The following GCC2 variants were observed in gnomAD, a reference collection of about 807,000 sequenced individuals.
GCC2 encodes GRIP and coiled-coil domain containing 2.
A neutral mutation model predicts 210.6 loss-of-function variants in GCC2; 120 were observed. The observed-to-expected ratio is 0.57, with a 90% CI of 0.49 to 0.66. The LOEUF is 0.66. Among genes scored for constraint, GCC2 ranks in the 30% least tolerant of loss-of-function variants. The pLI, the probability that GCC2 is intolerant of heterozygous loss-of-function variation, is 0.00. For missense variants in GCC2, 1,868 were observed against 1,871.9 expected (o/e 1.00, Z 0.04); for synonymous variants, 703 against 652.7 (o/e 1.08, Z -1.17).
chr2:108,480,897 CTTAAAAG>C (rs953251551), intron 9 of GCC2, among the ~76,000 whole-genome samples: 8 of 152,062 alleles, frequency 5.3e-5, no homozygotes, highest in African/African-American at 1.2e-4. Context: ...TACCCCTGAA[CTTAAAAG>C]TTAAAAAATT....
chr2:108,499,255 T>C (rs927176819), intron 21 of GCC2, among the ~76,000 whole-genome samples: 23 of 152,178 alleles, frequency 1.5e-4, no homozygotes, highest in Non-Finnish European at 2.8e-4. Context: ...AGTGGAGTTA[T>C]ATAGCCCAAC....
chr2:108,468,144 C>G (rs541151242), intron 4 of GCC2, among the ~76,000 whole-genome samples: 1 of 151,972 alleles, frequency 6.6e-6, no homozygotes, highest in African/African-American at 2.4e-5. Flanking sequence ...TCGCTGCAAC[C>G]CCCACCTCCT....
At chr2:108,507,521 CTTTTATTTTTCTTTTTTT>C in intron 22 of GCC2, 21 bp from the exon 23 acceptor site, 1 of 1,409,388 alleles carries the variant, frequency 7.1e-7, no homozygotes, top group Non-Finnish European at 9.7e-7. Flanking sequence ...TCTCTTTTTT[CTTTTATTTTTCTTTTTTT>C]TTTTGTTTTA....
chr2:108,465,376 T>C (rs969278129), intron 4 of GCC2, among the ~76,000 whole-genome samples: 5 of 152,184 alleles, frequency 3.3e-5, no homozygotes, highest in Non-Finnish European at 7.4e-5. Context: ...CAATAGCTTT[T>C]GGGGTACAAG....
chr2:108,478,736 A>G (rs1408221999), intron 9 of GCC2, among the ~76,000 whole-genome samples: 2 of 152,228 alleles, frequency 1.3e-5, no homozygotes, highest in African/African-American at 2.4e-5. Context: ...AGCTATTGAC[A>G]GCAGTTGGAA....
At chr2:108,464,723 A>G (rs1392033633) in intron 4 of GCC2, among the ~76,000 whole-genome samples, 6 of 152,100 alleles carry the variant, frequency 3.9e-5, no homozygotes, top group African/African-American at 9.7e-5. Context: ...CCAGAGGTCT[A>G]TGGGAAAAAT....
chr2:108,470,324 A>G lies in GCC2; in HGVS notation c.995A>G (p.Glu332Gly), dbSNP rs141977454. 349 of 1,611,276 alleles carry G rather than the reference A, an allele frequency of 2.2e-4. No individual in the cohort carries two copies. Among genetic ancestry groups the G allele is most frequent in the Non-Finnish European group, 2.8e-4 (335 of 1,178,612 alleles). Residue 332 changes from glutamate (E) to glycine (G), a missense_variant, in exon 6 of 23, where the codon GAA (glutamate) becomes GGA (glycine). This residue lies in a region of GCC2 where 1,847 missense variants were observed against 1,765.2 expected (regional missense o/e 1.05). Transcript: ENST00000309863. ...ACATTTGTAGAACAAGTAGTAAATG[A>G]AAAAGTCAAACACTTAGAAGATACC... The part of the protein sequence containing the change: ...ENTFVEQVVN[E>G]KVKHLEDTLK...
At position 108,485,841 on chromosome 2, in the gene GCC2, A is replaced by G; in HGVS notation, c.3725A>G (p.His1242Arg). 6.3e-7 allele frequency: 1 copy of G among 1,577,888 alleles called. No homozygotes were observed. The highest frequency in any genetic ancestry group is 8.6e-7 in the Non-Finnish European group (1 of 1,158,102). The change falls in exon 15 of 23, where the codon CAC (histidine) becomes CGC (arginine). Residue 1242 changes from histidine (H) to arginine (R), a missense_variant. Coordinates refer to ENST00000309863, the MANE Select transcript of GCC2 (RefSeq NM_181453.4). ...LADSKQAETD[H>R]LILQASLKGE... The stretch of plus-strand genomic sequence containing the variant: ...ATTCTCATTCTATAGGAAACTGATC[A>G]CTTAATACTTCAAGCATCTTTAAAA...
chr2:108,498,747 C>G (rs1682776021), intron 21 of GCC2, among the ~76,000 whole-genome samples: 1 of 151,806 alleles, frequency 6.6e-6, no homozygotes, highest in Non-Finnish European at 1.5e-5. Flanking sequence ...TCTTATATTC[C>G]TGAATTTTCA....
chr2:108,473,555 C>T lies in GCC2; in HGVS notation c.2860+656C>T, dbSNP rs13390736. ...CTTTATCTTATCCATTTATTCCTCA[C>T]AGTAACATTATAGGATAGCTCTTTT... On this transcript the variant is annotated intron_variant, in intron 7 of 22. Coordinates refer to ENST00000309863, the MANE Select transcript of GCC2 (RefSeq NM_181453.4). Among the ~76,000 whole-genome samples the T allele has an allele frequency of 9.3e-3, 1,410 of 152,160 alleles. 22 individuals carry two copies. The highest frequency in any genetic ancestry group is 0.031 in the Middle Eastern group (9 of 294).
Position 108,469,902 on chromosome 2 carries a change from G to T in GCC2, c.573G>T (p.Arg191Ser). The T allele has an allele frequency of 6.2e-7, 1 of 1,613,422 alleles. No individual in the cohort carries two copies. Among genetic ancestry groups the T allele is most frequent in the Non-Finnish European group, 8.5e-7 (1 of 1,179,702 alleles). The change falls in exon 6 of 23, where the codon AGG becomes AGT. Residue 191 changes from arginine to serine, a missense_variant. Around this residue, in one of 3 missense-constraint regions of GCC2, gnomAD observed 1,847 missense variants for 1,765.2 expected, o/e 1.05. Coordinates refer to ENST00000309863, the MANE Select transcript of GCC2 (RefSeq NM_181453.4). ...TACAAGAAGAGATTGAGAAAATTAG[G>T]CCAGGCTTTGAGGAGCAAATTTTAT... ...KKLQEEIEKI[R>S]PGFEEQILYL... is the part of the protein sequence containing the mutation.
chr2:108,463,623 C>A (rs1238796394), intron 4 of GCC2, among the ~76,000 whole-genome samples: 1 of 152,090 alleles, frequency 6.6e-6, no homozygotes, highest in Non-Finnish European at 1.5e-5. Flanking sequence ...GTCCCTGGGC[C>A]CCAGAGTGTG....
intron 9 of GCC2, among the ~76,000 whole-genome samples, chr2:108,477,843 T>A: frequency 6.6e-6 from 1 of 152,082 alleles, no homozygotes; most frequent in East Asian, 1.9e-4. Flanking sequence ...GCCAGGAGTT[T>A]GAGATCAGCC....
rs773697593 is a variant in GCC2, at chr2:108,485,811, C to T, written c.3715-20C>T. ...ATGAGTAACATTAAAAAAAATTTAACCAAGATTCTCATTCTATAGGAAACT... is the reference window on the plus strand; with the variant it reads ...ATGAGTAACATTAAAAAAAATTTAATCAAGATTCTCATTCTATAGGAAACT... On this transcript the variant is annotated intron_variant, in intron 14 of 22. Transcript: ENST00000309863. 6.6e-7 allele frequency: 1 copy of T among 1,515,146 alleles called. No homozygotes were observed. Among genetic ancestry groups the T allele is most frequent in the African/African-American group, 1.4e-5 (1 of 71,386 alleles). 93.9% of individuals were successfully genotyped at this position (1,515,146 alleles called of 1,614,324 possible). A position where few individuals can be genotyped will look rare whatever the true frequency, so the allele number is the denominator to read the frequency against.
Position 108,471,353 on chromosome 2 carries a change from T to C in GCC2, c.2024T>C (p.Val675Ala), listed in dbSNP as rs150078317. The change falls in exon 6 of 23, where the codon GTT becomes GCT. Residue 675 changes from valine to alanine, a missense_variant. Around this residue, in one of 3 missense-constraint regions of GCC2, gnomAD observed 1,847 missense variants for 1,765.2 expected, o/e 1.05. Coordinates refer to ENST00000309863, the MANE Select transcript of GCC2 (RefSeq NM_181453.4). ...KLEKLMVQMK[V>A]LSEDKEVLSA... The stretch of plus-strand genomic sequence containing the variant: ...GAAAAACTTATGGTTCAAATGAAAG[T>C]TCTCTCTGAAGACAAAGAAGTATTG... The C allele has an allele frequency of 1.2e-6, 2 of 1,610,994 alleles. No homozygotes were observed. Among genetic ancestry groups the C allele is most frequent in the South Asian group, 1.1e-5 (1 of 90,260 alleles).
At chr2:108,461,020 C>T (rs553257417) in intron 4 of GCC2, among the ~76,000 whole-genome samples, 8 of 152,320 alleles carry the variant, frequency 5.3e-5, no homozygotes, top group African/African-American at 1.4e-4. Context: ...TCCTATGCAG[C>T]TTGAAGAACC....
At position 108,475,527 on chromosome 2, in the gene GCC2, AT is replaced by A; in HGVS notation, c.2861-3del. 2.3e-6 allele frequency: 3 copies of A among 1,325,908 alleles called. No homozygotes were observed. Among genetic ancestry groups the A allele is most frequent in the Middle Eastern group, 2.3e-4 (1 of 4,374 alleles). 82.1% of individuals were successfully genotyped at this position (1,325,908 alleles called of 1,614,324 possible). A position where few individuals can be genotyped will look rare whatever the true frequency, so the allele number is the denominator to read the frequency against. ...TTCGTATGTAATCCATTTATTTTCTATTTTTAGAAAATCTGGAAAAAGAATG... is the reference window on the plus strand; with the variant it reads ...TTCGTATGTAATCCATTTATTTTCTATTTTAGAAAATCTGGAAAAAGAATG... On this transcript the variant is annotated splice_region_variant and splice_polypyrimidine_tract_variant and intron_variant, in intron 7 of 22. Transcript: ENST00000309863.
intron 9 of GCC2, among the ~76,000 whole-genome samples, chr2:108,478,131 A>C (rs1197365129): frequency 2.6e-5 from 4 of 152,210 alleles, no homozygotes; most frequent in Admixed American, 1.3e-4. Context: ...AAATGTAAAG[A>C]AGCAAGTTCC....
intron 16 of GCC2, 127 bp downstream of exon 16, chr2:108,486,775 C>T (rs189505783): frequency 1.4e-6 from 1 of 698,222 alleles, no homozygotes; most frequent in Non-Finnish European, 2.2e-6. Flanking sequence ...AGATTAAGAC[C>T]TGTTCAGTTA....
Sources: gnomAD v4.1 joint callset for allele counts (sites outside exome capture counted in the v4.1 genomes callset) on GRCh38, gnomAD v4.1.1 for gene constraint, gnomAD v4.1.1 regional missense constraint, MANE v1.5 for transcripts, NCBI Gene and HGNC (gene_info 2026-07-23, HGNC 2026-07-21) for gene names.